The following KCTD16 variants were observed in gnomAD, a reference collection of about 807,000 sequenced individuals.
The protein encoded by KCTD16 is potassium channel tetramerization domain containing 16, also known as BTB/POZ domain-containing protein KCTD16.
In KCTD16, 13 loss-of-function variants were observed where a neutral mutation model predicts 33.2. That is an observed-to-expected ratio of 0.39 (90% CI 0.25 to 0.62). KCTD16 has a LOEUF of 0.62. Among genes scored for constraint, KCTD16 ranks in the 20% least tolerant of loss-of-function variants. KCTD16 has a pLI of 0.50. For synonymous variants in KCTD16, 197 were observed against 195.3 expected (o/e 1.01, Z -0.07); for missense variants, 441 against 525.1 (o/e 0.84, Z 1.57).
intron 3 of KCTD16, among the ~76,000 whole-genome samples, chr5:144,274,178 A>G (rs947659601): frequency 3.3e-5 from 5 of 150,260 alleles, no homozygotes; most frequent in African/African-American, 1.2e-4. Context: ...TTTTCTTTTT[A>G]TCCTTCTCTT....
At position 144,476,487 on chromosome 5, in the gene KCTD16, C is replaced by G. The variant is rs1371962734; in HGVS notation, c.*2373C>G. 6.6e-6 allele frequency: 1 copy of G among 152,204 alleles called. No individual in the cohort carries two copies. The highest frequency in any genetic ancestry group is 1.5e-5 in the Non-Finnish European group (1 of 68,038). 9.4% of individuals were successfully genotyped at this position (152,204 alleles called of 1,614,324 possible). ...TGACCTGTCATGAGTTTTCTCTGCT[C>G]TGACATTCCTTATACATCCAGTGAA... On this transcript the variant is annotated 3_prime_UTR_variant, in exon 4 of 4. Coordinates refer to ENST00000512467, the MANE Select transcript of KCTD16 (RefSeq NM_020768.4).
chr5:144,382,017 T>TATACATACATACATACATACATACATAC (rs111382461), intron 3 of KCTD16, among the ~76,000 whole-genome samples: 11 of 149,762 alleles, frequency 7.3e-5, no homozygotes, highest in African/African-American at 2.7e-4. Flanking sequence ...AAGATGTTTA[T>TATACATACATACATACATACATACATAC]ATACATACAT....
chr5:144,474,049 C>G lies in KCTD16; in HGVS notation c.1222C>G (p.Pro408Ala), dbSNP rs1754541436. The G allele has an allele frequency of 6.2e-7, 1 of 1,613,894 alleles. No homozygotes were observed. Among genetic ancestry groups the G allele is most frequent in the Admixed American group, 1.7e-5 (1 of 59,970 alleles). ...CCAGGATTTCCTAAAAATCAAAATT[C>G]CAGATCGGTTTCCTGAGAGAAAACA... ...CIQDFLKIKI[P>A]DRFPERKHPW... Residue 408 changes from proline to alanine, a missense_variant, in exon 4 of 4, where the codon CCA (proline) becomes GCA (alanine). By Grantham distance (27) the Pro-to-Ala change is conservative. This residue lies in a region of KCTD16 where 355 missense variants were observed against 413.0 expected (regional missense o/e 0.86). Transcript: ENST00000512467.
In KCTD16 at chr5:144,203,390, C is replaced by T. The variant is rs531333777; in HGVS notation, c.-326-2999C>T. On this transcript the variant is annotated intron_variant, in intron 2 of 3. Transcript: ENST00000512467. Reference sequence around the variant, plus strand: ...AAAAAATCTTGTTTCTTAAACTTGCCGCCTCTCTATTCCTATTCAAGAATA... The same window carrying T: ...AAAAAATCTTGTTTCTTAAACTTGCTGCCTCTCTATTCCTATTCAAGAATA... 1.3e-4 allele frequency among the ~76,000 whole-genome samples: 20 copies of T among 151,992 alleles called. No homozygotes were observed. The South Asian group carries it at 3.5e-3, about 27-fold the overall frequency.
At chr5:144,228,813 T>C (rs1754010555) in intron 3 of KCTD16, among the ~76,000 whole-genome samples, 2 of 152,176 alleles carry the variant, frequency 1.3e-5, no homozygotes, top group Non-Finnish European at 2.9e-5. Context: ...CTATGAATAT[T>C]GAATAGATAT....
chr5:144,414,615 C>A (rs1304116372), intron 3 of KCTD16, among the ~76,000 whole-genome samples: 2 of 152,220 alleles, frequency 1.3e-5, no homozygotes, highest in Non-Finnish European at 2.9e-5. Flanking sequence ...CTTGCTGGTA[C>A]ATGACCTCCA....
At chr5:144,302,398 A>T (rs1402069153) in intron 3 of KCTD16, among the ~76,000 whole-genome samples, 1 of 152,238 alleles carries the variant, frequency 6.6e-6, no homozygotes. Context: ...GTGAAATATG[A>T]AAGACAAAAA....
chr5:144,281,653 T>C (rs775519500), intron 3 of KCTD16, among the ~76,000 whole-genome samples: 1 of 152,212 alleles, frequency 6.6e-6, no homozygotes, highest in Non-Finnish European at 1.5e-5. Flanking sequence ...TGAAAAAAAA[T>C]TCATTTTGCT....
intron 2 of KCTD16, among the ~76,000 whole-genome samples, chr5:144,189,738 T>G (rs1041806788): frequency 6.6e-6 from 1 of 152,164 alleles, no homozygotes; most frequent in African/African-American, 2.4e-5. Flanking sequence ...TTTCAGGTGG[T>G]TTGCCAGCAT....
chr5:144,275,489 TC>T (rs1402276570), intron 3 of KCTD16, among the ~76,000 whole-genome samples: 2 of 152,128 alleles, frequency 1.3e-5, no homozygotes, highest in South Asian at 2.1e-4. Context: ...TGGAGATTTC[TC>T]CCCTTTCTCC....
At chr5:144,409,561 A>G (rs998744535) in intron 3 of KCTD16, among the ~76,000 whole-genome samples, 3 of 152,004 alleles carry the variant, frequency 2.0e-5, no homozygotes, top group Non-Finnish European at 4.4e-5. Flanking sequence ...GACAGCAATG[A>G]AAACAGGCAA....
At chr5:144,298,887 C>T (rs181594595) in intron 3 of KCTD16, among the ~76,000 whole-genome samples, 84 of 150,480 alleles carry the variant, frequency 5.6e-4, no homozygotes, top group African/African-American at 1.9e-3. Flanking sequence ...TCAGATGCAG[C>T]GCTTTATTAT....
intron 3 of KCTD16, among the ~76,000 whole-genome samples, chr5:144,434,148 A>T (rs1297718924): frequency 6.6e-6 from 1 of 152,188 alleles, no homozygotes; most frequent in Non-Finnish European, 1.5e-5. Flanking sequence ...TGTTACAGTC[A>T]GCTTGTCTCT....
chr5:144,290,282 A>G (rs1279515677), intron 3 of KCTD16, among the ~76,000 whole-genome samples: 1 of 152,206 alleles, frequency 6.6e-6, no homozygotes, highest in Non-Finnish European at 1.5e-5. Flanking sequence ...TGGGCAAGAG[A>G]GCAAGACCCT....
intron 3 of KCTD16, among the ~76,000 whole-genome samples, chr5:144,287,398 G>C (rs1446031755): frequency 1.3e-5 from 2 of 150,022 alleles, no homozygotes; most frequent in Non-Finnish European, 3.0e-5. Context: ...TATGCTCCTT[G>C]TGGTTGGAAG....
At chr5:144,340,375 C>A (rs1752599617) in intron 3 of KCTD16, among the ~76,000 whole-genome samples, 1 of 142,156 alleles carries the variant, frequency 7.0e-6, no homozygotes, top group Non-Finnish European at 1.5e-5. Context: ...GCACTCCAGC[C>A]TGGGTGACAG....
At chr5:144,263,139 A>G (rs556436863) in intron 3 of KCTD16, among the ~76,000 whole-genome samples, 1 of 152,346 alleles carries the variant, frequency 6.6e-6, no homozygotes, top group East Asian at 1.9e-4. Context: ...AATCATTATA[A>G]TGAATTATCA....
chr5:144,331,433 A>G (rs1752355495), intron 3 of KCTD16, among the ~76,000 whole-genome samples: 1 of 152,198 alleles, frequency 6.6e-6, no homozygotes, highest in African/African-American at 2.4e-5. Context: ...CTACTTAAAT[A>G]TGCAAAAAGA....
intron 3 of KCTD16, among the ~76,000 whole-genome samples, chr5:144,403,620 A>G (rs1752752219): frequency 6.6e-6 from 1 of 152,218 alleles, no homozygotes; most frequent in Non-Finnish European, 1.5e-5. Context: ...CCTCTGGAAT[A>G]AATTTCTATT....
Sources: gnomAD v4.1 joint callset for allele counts (sites outside exome capture counted in the v4.1 genomes callset) on GRCh38, gnomAD v4.1.1 for gene constraint, gnomAD v4.1.1 regional missense constraint, MANE v1.5 for transcripts, NCBI Gene and HGNC (gene_info 2026-07-23, HGNC 2026-07-21) for gene names.